The following PTK2B variants were observed in gnomAD, a reference collection of about 807,000 sequenced individuals.
The protein encoded by PTK2B is protein-tyrosine kinase 2-beta.
In PTK2B, 71 loss-of-function variants were observed where a neutral mutation model predicts 142.9. The ratio of observed to expected loss-of-function variants is 0.50; its 90% confidence interval spans 0.41 to 0.61. The LOEUF is 0.61. Among genes scored for constraint, PTK2B ranks in the 20% least tolerant of loss-of-function variants. The pLI is 0.00. For missense variants in PTK2B, 1,105 were observed against 1,320.4 expected (o/e 0.84, Z 2.53); for synonymous variants, 519 against 503.4 (o/e 1.03, Z -0.42).
intron 29 of PTK2B, 62 bp downstream of exon 29, chr8:27,454,353 G>T (rs1189230820): frequency 6.3e-7 from 1 of 1,584,746 alleles, no homozygotes; most frequent in Non-Finnish European, 8.6e-7. Context: ...AAGGAAAGGG[G>T]ACTGCGCTTC....
At chr8:27,395,142 G>A (rs1807967645) in intron 1 of PTK2B, among the ~76,000 whole-genome samples, 1 of 152,048 alleles carries the variant, frequency 6.6e-6, no homozygotes, top group African/African-American at 2.4e-5. Context: ...ACATAAACCA[G>A]TCACATAATC....
chr8:27,426,971 C>T (rs1208698284), intron 5 of PTK2B, among the ~76,000 whole-genome samples: 1 of 152,292 alleles, frequency 6.6e-6, no homozygotes, highest in South Asian at 2.1e-4. Flanking sequence ...TCTTTCTTCA[C>T]AAGTCTCGAA....
rs374105065 is a variant in PTK2B, at chr8:27,442,878, C to T, written c.2043C>T (p.Asp681=). ...TATCTGACGTGACTCCCTGCAGTGA[C>T]GTTTATCAGATGGAGAAGGACATTG... ...RFTELVCSLS[D]VYQMEKDIAM... The change falls in exon 22 of 31, where the codon GAC becomes GAT. Residue 681 remains aspartate (D), a synonymous_variant. Transcript: ENST00000346049. The T allele has an allele frequency of 6.8e-6, 11 of 1,613,372 alleles. No homozygotes were observed. Among genetic ancestry groups the T allele is most frequent in the Admixed American group, 1.7e-5 (1 of 60,000 alleles).
chr8:27,315,185 G>C (rs566383050), intron 3 of PTK2B, among the ~76,000 whole-genome samples: 4 of 152,286 alleles, frequency 2.6e-5, no homozygotes, highest in Admixed American at 2.0e-4. Context: ...CTTAAATGTG[G>C]TTCATGGTTC....
At chr8:27,387,048 G>A (rs959457945) in intron 1 of PTK2B, among the ~76,000 whole-genome samples, 1 of 152,112 alleles carries the variant, frequency 6.6e-6, no homozygotes, top group Non-Finnish European at 1.5e-5. Flanking sequence ...AATTCTGGGG[G>A]CTACATCAGA....
chr8:27,409,512 A>G (rs1282608877), intron 2 of PTK2B, among the ~76,000 whole-genome samples: 1 of 152,140 alleles, frequency 6.6e-6, no homozygotes, highest in Non-Finnish European at 1.5e-5. Context: ...GAGACCAGGC[A>G]CAGAGCACAT....
At position 27,337,223 on chromosome 8, in the gene PTK2B, C is replaced by T. The variant is rs1048302625; in HGVS notation, c.-38+11542C>T. Among the ~76,000 whole-genome samples, 6 of 152,026 alleles carry T rather than the reference C, an allele frequency of 3.9e-5. No homozygotes were observed. The East Asian group carries it at 9.6e-4, about 24-fold the overall frequency. On this transcript the variant is annotated intron_variant, in intron 1 of 30. Transcript: ENST00000346049. ...TGGTATCAGCTCACTGCAACCTCTC[C>T]CTCCTGGGTTCAAGTGATTCTCCTG... is the stretch of plus-strand genomic sequence containing the variant.
At chr8:27,437,974 G>C (rs1245033359) in intron 18 of PTK2B, 94 bp downstream of exon 18, 1 of 1,108,368 alleles carries the variant, frequency 9.0e-7, no homozygotes, top group Non-Finnish European at 1.3e-6. Context: ...GGGTGACACA[G>C]AGCAGTGTTG....
intron 1 of PTK2B, among the ~76,000 whole-genome samples, chr8:27,378,539 C>G (rs1013555948): frequency 6.6e-6 from 1 of 151,748 alleles, no homozygotes; most frequent in Non-Finnish European, 1.5e-5. Flanking sequence ...TCCAAGTTAT[C>G]CGAGTGTTGC....
At chr8:27,407,857 A>C (rs1294740066) in intron 2 of PTK2B, among the ~76,000 whole-genome samples, 1 of 152,106 alleles carries the variant, frequency 6.6e-6, no homozygotes, top group East Asian at 1.9e-4. Context: ...CCTGCTCTGC[A>C]CCTACCATTG....
intron 2 of PTK2B, among the ~76,000 whole-genome samples, chr8:27,409,537 G>T (rs957299767): frequency 6.6e-6 from 1 of 152,094 alleles, no homozygotes; most frequent in African/African-American, 2.4e-5. Context: ...GGTACAGAGG[G>T]GATGGGACTG....
chr8:27,354,292 A>G (rs1170983260), intron 1 of PTK2B, among the ~76,000 whole-genome samples: 1 of 152,144 alleles, frequency 6.6e-6, no homozygotes, highest in East Asian at 1.9e-4. Context: ...CCACAGCCAA[A>G]AGGGTGGGGT....
intron 4 of PTK2B, among the ~76,000 whole-genome samples, chr8:27,421,297 TTTA>T: frequency 1.5e-5 from 1 of 65,556 alleles, no homozygotes; most frequent in Non-Finnish European, 4.2e-5. Flanking sequence ...TATTTATTTA[TTTA>T]TTTATTTATT....
rs995253528 is a variant in PTK2B, at chr8:27,410,351, G to A, written c.205-9544G>A. 2.1e-4 allele frequency among the ~76,000 whole-genome samples: 10 copies of A among 48,206 alleles called. No individual in the cohort carries two copies. The East Asian group carries it at 2.8e-3, about 13-fold the overall frequency. 31.6% of individuals were successfully genotyped at this position (48,206 alleles called of 152,430 possible). On this transcript the variant is annotated intron_variant, in intron 2 of 30. Transcript: ENST00000346049. ...AAAGGCCTCAGCCCATTCCACTGGA[G>A]CCTTAGAGCCAGAAGAGCTGTCCCA...
At chr8:27,404,197 T>C (rs1054011981) in intron 2 of PTK2B, among the ~76,000 whole-genome samples, 1 of 152,170 alleles carries the variant, frequency 6.6e-6, no homozygotes, top group African/African-American at 2.4e-5. Flanking sequence ...ACTGACCGGC[T>C]GACTCATGGT....
At chr8:27,436,519 T>C (rs570375926) in intron 15 of PTK2B, among the ~76,000 whole-genome samples, 171 bp downstream of exon 15, 161 of 151,872 alleles carry the variant, frequency 1.1e-3, no homozygotes, top group Non-Finnish European at 1.2e-3. Flanking sequence ...ACTCAAAGAG[T>C]GGTGGAGACA....
intron 2 of PTK2B, among the ~76,000 whole-genome samples, chr8:27,402,609 C>T (rs1193944137): frequency 6.6e-6 from 1 of 152,160 alleles, no homozygotes; most frequent in Non-Finnish European, 1.5e-5. Flanking sequence ...GGTAGCATGG[C>T]CTAGGGTATT....
intron 1 of PTK2B, among the ~76,000 whole-genome samples, chr8:27,374,073 CAAGG>C (rs1459476813): frequency 1.3e-5 from 2 of 152,042 alleles, no homozygotes; most frequent in African/African-American, 2.4e-5. Context: ...GCTTTACCAC[CAAGG>C]AGAGCTCCTT....
At position 27,313,879 on chromosome 8, in the gene PTK2B, G is replaced by A. The variant is rs148324480; in HGVS notation, c.-414+592G>A. Among the ~76,000 whole-genome samples, 764 of 152,308 alleles carry A rather than the reference G, an allele frequency of 5.0e-3. 9 individuals carry two copies. Among genetic ancestry groups the A allele is most frequent in the African/African-American group, 0.018 (740 of 41,552 alleles). On this transcript the variant is annotated intron_variant, in intron 3 of 35. Transcript: ENST00000397501. ...AATTAACATCAAGTAACACTTTAGT[G>A]ACAGCTGTGGACCATCAGGGAATTG... is the stretch of plus-strand genomic sequence containing the variant.
Sources: allele counts gnomAD v4.1 joint callset (sites outside exome capture counted in the v4.1 genomes callset), GRCh38; gene constraint gnomAD v4.1.1; transcripts MANE v1.5; gene names NCBI Gene and HGNC (gene_info 2026-07-23, HGNC 2026-07-21).